Variants in TNKS2 observed in about 807,000 individuals in gnomAD.
TNKS2 encodes the protein tankyrase 2.
In TNKS2, 72 loss-of-function variants were observed where a neutral mutation model predicts 137.6. The ratio of observed to expected loss-of-function variants is 0.52; its 90% CI spans 0.43 to 0.64. The LOEUF (loss-of-function observed/expected upper bound fraction) is 0.64. Ranked by LOEUF, TNKS2 falls within the 30% of genes least tolerant of loss-of-function variation. The pLI is 0.00. For missense variants in TNKS2, 1,049 were observed against 1,410.2 expected (o/e 0.74, Z 4.10); for synonymous variants, 516 against 512.1 (o/e 1.01, Z -0.10).
rs1197407280 is a variant in TNKS2 at position 91,828,340 on chromosome 10, A to C, written c.1038A>C (p.Arg346=). 1 of 1,609,614 alleles carries C rather than the reference A, an allele frequency of 6.2e-7. No homozygotes were observed. The highest frequency in any genetic ancestry group is 8.5e-7 in the Non-Finnish European group (1 of 1,178,322). Residue 346 remains arginine (R), a synonymous_variant, in exon 9 of 27, where the codon CGA becomes CGC. Coordinates refer to ENST00000371627, the MANE Select transcript of TNKS2 (RefSeq NM_025235.4). ...CTGCACGAGAAGCTGATGTTACTCG[A>C]ATCAAAAAACATCTCTCTCTGGAAA... ...LQAAREADVT[R]IKKHLSLEMV...
At chr10:91,848,904 T>C (rs7075125) in intron 19 of TNKS2, among the ~76,000 whole-genome samples, 4,540 of 152,288 alleles carry the variant, frequency 0.03, 227 homozygotes, top group African/African-American at 0.1. Flanking sequence ...TGGCGCGATC[T>C]CGGCTCACTG....
chr10:91,828,016 C>T (rs1023265541), intron 8 of TNKS2, among the ~76,000 whole-genome samples: 2 of 152,076 alleles, frequency 1.3e-5, no homozygotes, highest in Admixed American at 1.3e-4. Flanking sequence ...AAATGAATTA[C>T]GAATTAAAAC....
chr10:91,834,067 TTA>T lies in TNKS2; in HGVS notation c.1447+44_1447+45del, dbSNP rs768436630. On this transcript the variant is annotated intron_variant, in intron 12 of 26. Coordinates refer to ENST00000371627, the MANE Select transcript of TNKS2 (RefSeq NM_025235.4). ...GAAATTGATTTTTTTAAATTAACCT[TTA>T]AAAATTTTTCACATATCAGGTATTA... 3 of 1,463,704 alleles carry T rather than the reference TTA, an allele frequency of 2.0e-6. No homozygotes were observed. The African/African-American group carries it at 4.2e-5, about 21-fold the overall frequency. 90.7% of individuals were successfully genotyped at this position (1,463,704 alleles called of 1,614,324 possible). A position where few individuals can be genotyped will look rare whatever the true frequency, so the allele number is the denominator to read the frequency against.
In TNKS2 at chr10:91,859,570, G is replaced by A; in HGVS notation, c.3203G>A (p.Ser1068Asn). ...TATTTTGCTGAAAACTCTTCCAAAA[G>A]CAATCAATATGTATATGGAATTGGA... Reference protein sequence around the residue: ...GIYFAENSSKSNQYVYGIGGG... With the variant: ...GIYFAENSSKNNQYVYGIGGG... Residue 1068 changes from serine (S) to asparagine (N), a missense_variant, in exon 25 of 27, where the codon AGC (serine) becomes AAC (asparagine). Ser to Asn is a conservative substitution (Grantham distance 46). Around this residue, in one of 6 missense-constraint regions of TNKS2, gnomAD observed 133 missense variants for 248.4 expected, o/e 0.54. Coordinates refer to ENST00000371627, the MANE Select transcript of TNKS2 (RefSeq NM_025235.4). The A allele has an allele frequency of 1.9e-6, 3 of 1,614,018 alleles. No homozygotes were observed. Among genetic ancestry groups the A allele is most frequent in the Non-Finnish European group, 2.5e-6 (3 of 1,179,944 alleles).
Position 91,798,847 on chromosome 10 carries a change from G to A in TNKS2, c.157G>A (p.Asp53Asn). 1 of 1,356,900 alleles carries A rather than the reference G, an allele frequency of 7.4e-7. No individual in the cohort carries two copies. The highest frequency in any genetic ancestry group is 9.5e-7 in the Non-Finnish European group (1 of 1,047,722). 84.1% of individuals were successfully genotyped at this position (1,356,900 alleles called of 1,614,324 possible). Residue 53 changes from aspartate (D) to asparagine (N), a missense_variant, in exon 1 of 27, where the codon GAC (aspartate) becomes AAC (asparagine). This residue lies in a region of TNKS2 where 374 missense variants were observed against 460.8 expected (regional missense o/e 0.81). Coordinates refer to ENST00000371627, the MANE Select transcript of TNKS2 (RefSeq NM_025235.4). The part of the protein sequence containing the change: ...LVTPEKVNSR[D>N]TAGRKSTPLH... ...GACGCCTGAGAAGGTGAACAGCCGCGACACGGCGGGCAGGAAATCCACCCC... is the reference window on the plus strand; with the variant it reads ...GACGCCTGAGAAGGTGAACAGCCGCAACACGGCGGGCAGGAAATCCACCCC...
chr10:91,819,344 T>C, intron 4 of TNKS2, 38 bp downstream of exon 4: 1 of 1,426,078 alleles, frequency 7.0e-7, no homozygotes, highest in Non-Finnish European at 9.3e-7. Context: ...CAGGAATACT[T>C]CACCATTAAC....
intron 15 of TNKS2, 45 bp from the exon 16 acceptor site, chr10:91,842,127 C>T: frequency 6.4e-6 from 9 of 1,396,514 alleles, no homozygotes; most frequent in Non-Finnish European, 9.0e-6. Context: ...ACCAAAGGCA[C>T]ATTTAAGCCA....
chr10:91,839,247 T>C (rs1195827102), intron 13 of TNKS2, among the ~76,000 whole-genome samples: 1 of 152,208 alleles, frequency 6.6e-6, no homozygotes, highest in Admixed American at 6.5e-5. Context: ...TTTCATACTT[T>C]TCATAACTAC....
At chr10:91,844,319 T>C (rs1462701514) in intron 16 of TNKS2, among the ~76,000 whole-genome samples, 1 of 152,220 alleles carries the variant, frequency 6.6e-6, no homozygotes, top group Non-Finnish European at 1.5e-5. Flanking sequence ...TTGCTTTAAA[T>C]CCTTTAGCAA....
intron 2 of TNKS2, among the ~76,000 whole-genome samples, chr10:91,814,965 C>G (rs1208073309): frequency 2.6e-5 from 4 of 152,072 alleles, no homozygotes; most frequent in Non-Finnish European, 5.9e-5. Context: ...TGTAAAGTAA[C>G]CCAGGTGAGA....
rs2133655217 is a variant in TNKS2 at position 91,842,209 on chromosome 10, A to G, written c.1877A>G (p.Asn626Ser). The G allele has an allele frequency of 6.2e-7, 1 of 1,614,052 alleles. No homozygotes were observed. The highest frequency in any genetic ancestry group is 2.2e-5 in the East Asian group (1 of 44,870). The change falls in exon 16 of 27, where the codon AAT becomes AGT. Residue 626 changes from asparagine to serine, a missense_variant. Physicochemically the swap from Asn to Ser is conservative, Grantham distance 46. Transcript: ENST00000371627. ...CCTACAAAAAAAAACAGGGATGGAA[A>G]TACTCCTTTGGATCTTGTTAAAGAT... ...ADPTKKNRDG[N>S]TPLDLVKDGD...
chr10:91,837,926 T>C (rs118166976), intron 13 of TNKS2, among the ~76,000 whole-genome samples: 2,980 of 152,274 alleles, frequency 0.02, 63 homozygotes, highest in Middle Eastern at 0.075. Context: ...AAAGGAGGAT[T>C]TTGTTTCTAT....
chr10:91,840,749 C>T, intron 14 of TNKS2, 43 bp downstream of exon 14: 4 of 1,550,010 alleles, frequency 2.6e-6, no homozygotes, highest in African/African-American at 2.7e-5. Context: ...CTTACTTTTA[C>T]TTGACCTTTT....
At position 91,798,851 on chromosome 10, in the gene TNKS2, C is replaced by T; in HGVS notation, c.161C>T (p.Thr54Met). The change falls in exon 1 of 27, where the codon ACG becomes ATG. Residue 54 changes from threonine (T) to methionine (M), a missense_variant. Physicochemically the swap from Thr to Met is moderately conservative, Grantham distance 81. This residue lies in a region of TNKS2 where 374 missense variants were observed against 460.8 expected (regional missense o/e 0.81). Coordinates refer to ENST00000371627, the MANE Select transcript of TNKS2 (RefSeq NM_025235.4). ...VTPEKVNSRD[T>M]AGRKSTPLHF... ...CCTGAGAAGGTGAACAGCCGCGACA[C>T]GGCGGGCAGGAAATCCACCCCGCTG... 1 of 1,356,900 alleles carries T rather than the reference C, an allele frequency of 7.4e-7. No individual in the cohort carries two copies. Among genetic ancestry groups the T allele is most frequent in the Non-Finnish European group, 9.5e-7 (1 of 1,047,812 alleles). The allele number at this position is 1,356,900 out of a possible 1,614,324, so 84.1% of individuals were successfully genotyped here.
intron 7 of TNKS2, among the ~76,000 whole-genome samples, chr10:91,826,745 A>G (rs1170408092): frequency 2.0e-5 from 3 of 152,222 alleles, no homozygotes; most frequent in Admixed American, 6.5e-5. Context: ...AGGAGCATTC[A>G]TTCTTGGAAG....
intron 18 of TNKS2, 72 bp from the exon 19 acceptor site, chr10:91,848,311 A>G (rs1564626036): frequency 1.4e-6 from 2 of 1,460,672 alleles, no homozygotes; most frequent in African/African-American, 2.9e-5. Flanking sequence ...ATATTTTTAA[A>G]TATATTTTAT....
intron 1 of TNKS2, among the ~76,000 whole-genome samples, chr10:91,811,223 C>T (rs1450131724): frequency 6.6e-6 from 1 of 151,930 alleles, no homozygotes; most frequent in Admixed American, 6.6e-5. Flanking sequence ...TGCGCCCAGC[C>T]CAAGCATTTA....
At chr10:91,836,826 G>T in intron 12 of TNKS2, 93 bp from the exon 13 acceptor site, 1 of 1,482,858 alleles carries the variant, frequency 6.7e-7, no homozygotes, top group Non-Finnish European at 9.0e-7. Flanking sequence ...AATTGTAAAA[G>T]AACTTTGCTT....
intron 12 of TNKS2, among the ~76,000 whole-genome samples, chr10:91,834,785 A>C (rs906017959): frequency 2.6e-5 from 4 of 152,178 alleles, no homozygotes; most frequent in African/African-American, 9.6e-5. Context: ...TCCCCCATAC[A>C]TCACACATTC....
Sources: gnomAD v4.1 joint callset for allele counts (sites outside exome capture counted in the v4.1 genomes callset) on GRCh38, gnomAD v4.1.1 for gene constraint, gnomAD v4.1.1 regional missense constraint, MANE v1.5 for transcripts, NCBI Gene and HGNC (gene_info 2026-07-23, HGNC 2026-07-21) for gene names.